PABPC4L: variants seen among roughly 807,000 people sequenced by gnomAD.
PABPC4L encodes the protein polyadenylate-binding protein 4-like.
For missense variants in PABPC4L, 452 were observed against 451.4 expected (o/e 1.00, Z -0.01); for synonymous variants, 169 against 164.1 (o/e 1.03, Z -0.23).
the PABPC4L span, among the ~76,000 whole-genome samples, chr4:134,141,429 T>C: frequency 6.6e-6 from 1 of 150,684 alleles, no homozygotes; most frequent in Non-Finnish European, 1.5e-5. Flanking sequence ...TTTTCAAAGA[T>C]GAGAAAAAGA....
the PABPC4L span, among the ~76,000 whole-genome samples, chr4:134,000,552 C>T: frequency 3.3e-5 from 5 of 152,040 alleles, no homozygotes; most frequent in Admixed American, 6.6e-5. Flanking sequence ...GTTACTTTTA[C>T]GTGTCAAATT....
At chr4:134,035,487 T>C in the PABPC4L span, among the ~76,000 whole-genome samples, 1 of 152,050 alleles carries the variant, frequency 6.6e-6, no homozygotes, top group African/African-American at 2.4e-5. Context: ...TTAAATCTAC[T>C]ATTTGTTTAA....
the PABPC4L span, among the ~76,000 whole-genome samples, chr4:134,013,768 A>G: frequency 1.3e-5 from 2 of 151,766 alleles, no homozygotes; most frequent in Non-Finnish European, 2.9e-5. Flanking sequence ...CCCAACCCCA[A>G]GTGTCACTAA....
At chr4:134,178,310 C>A in the PABPC4L span, among the ~76,000 whole-genome samples, 1 of 144,442 alleles carries the variant, frequency 6.9e-6, no homozygotes, top group Admixed American at 7.2e-5. Flanking sequence ...AGTGAGTAAA[C>A]CAAACACACC....
chr4:133,983,992 A>C, the PABPC4L span, among the ~76,000 whole-genome samples: 3 of 151,906 alleles, frequency 2.0e-5, no homozygotes, highest in Non-Finnish European at 4.4e-5. Context: ...AAATCTATAT[A>C]GGTAAATTAT....
chr4:134,102,741 A>T, the PABPC4L span, among the ~76,000 whole-genome samples: 2 of 151,600 alleles, frequency 1.3e-5, no homozygotes, highest in African/African-American at 2.4e-5. Flanking sequence ...TGATATCAAA[A>T]TGTAAACCAA....
the PABPC4L span, among the ~76,000 whole-genome samples, chr4:133,975,492 A>G: frequency 6.6e-6 from 1 of 152,144 alleles, no homozygotes. Context: ...TACGTGAATT[A>G]TATCTCAATA....
chr4:134,149,971 G>C, the PABPC4L span, among the ~76,000 whole-genome samples: 1 of 152,098 alleles, frequency 6.6e-6, no homozygotes, highest in East Asian at 1.9e-4. Context: ...AGCCCATATT[G>C]GGCCCAGGAA....
chr4:134,191,006 T>C, the PABPC4L span, among the ~76,000 whole-genome samples: 1 of 152,182 alleles, frequency 6.6e-6, no homozygotes, highest in Non-Finnish European at 1.5e-5. Flanking sequence ...TCTTGATTTC[T>C]GAATCTGTAA....
At chr4:134,000,965 T>C in the PABPC4L span, among the ~76,000 whole-genome samples, 55 of 152,194 alleles carry the variant, frequency 3.6e-4, no homozygotes, top group East Asian at 0.01. Context: ...GAGGCAACAC[T>C]TCATAATAAA....
At chr4:134,025,427 G>A in the PABPC4L span, among the ~76,000 whole-genome samples, 1 of 151,858 alleles carries the variant, frequency 6.6e-6, no homozygotes, top group African/African-American at 2.4e-5. Flanking sequence ...CTCCAAGAAG[G>A]GTAGAATATA....
the PABPC4L span, among the ~76,000 whole-genome samples, chr4:133,956,664 C>G: frequency 1.3e-5 from 2 of 152,086 alleles, no homozygotes; most frequent in Non-Finnish European, 2.9e-5. Context: ...CATTCTCATG[C>G]TGCTATGAAG....
At chr4:134,070,989 C>G in the PABPC4L span, among the ~76,000 whole-genome samples, 1 of 152,168 alleles carries the variant, frequency 6.6e-6, no homozygotes, top group Admixed American at 6.5e-5. Context: ...TGGACATGCT[C>G]CACTGCAGAT....
chr4:134,095,250 C>A, the PABPC4L span, among the ~76,000 whole-genome samples: 2 of 151,662 alleles, frequency 1.3e-5, no homozygotes, highest in South Asian at 4.1e-4. Flanking sequence ...TTCTGAAGTA[C>A]AAAAGACAAC....
At chr4:134,020,137 T>C in the PABPC4L span, among the ~76,000 whole-genome samples, 36 of 152,216 alleles carry the variant, frequency 2.4e-4, no homozygotes, top group Non-Finnish European at 8.8e-5. Context: ...TTCTTGGATC[T>C]CATGCAAGAA....
At chr4:134,023,463 T>A in the PABPC4L span, among the ~76,000 whole-genome samples, 1 of 152,122 alleles carries the variant, frequency 6.6e-6, no homozygotes, top group Non-Finnish European at 1.5e-5. Context: ...GGAAAAGTAT[T>A]ATAAAAGTGG....
chr4:134,040,558 C>G, the PABPC4L span, among the ~76,000 whole-genome samples: 1 of 152,120 alleles, frequency 6.6e-6, no homozygotes, highest in South Asian at 2.1e-4. Flanking sequence ...CTTCCTTACA[C>G]CTTATACAAA....
chr4:133,990,742 A>G, the PABPC4L span, among the ~76,000 whole-genome samples: 202 of 152,294 alleles, frequency 1.3e-3, no homozygotes, highest in African/African-American at 4.5e-3. Context: ...CGACCCCCCC[A>G]GTAGAGAGCA....
the PABPC4L span, among the ~76,000 whole-genome samples, chr4:133,988,124 G>A: frequency 1.3e-5 from 2 of 152,060 alleles, no homozygotes; most frequent in African/African-American, 2.4e-5. Flanking sequence ...ACATGTTGTG[G>A]TAACTACACA....
Sources: allele counts gnomAD v4.1 joint callset (sites outside exome capture counted in the v4.1 genomes callset), GRCh38; gene constraint gnomAD v4.1.1; transcripts MANE v1.5; gene names NCBI Gene and HGNC (gene_info 2026-07-23, HGNC 2026-07-21).